Variants in AIG1 observed in about 807,000 individuals in gnomAD.
AIG1 encodes androgen induced 1, also known as androgen-induced gene 1 protein.
A neutral mutation model predicts 31.4 loss-of-function variants in AIG1; 23 were observed. That is an observed-to-expected ratio of 0.73 (90% CI 0.53 to 1.04). The LOEUF is 1.04. Among genes scored for constraint, AIG1 ranks in the 50% least tolerant of loss-of-function variants. AIG1 has a pLI of 0.00. For synonymous variants in AIG1, 100 were observed against 110.5 expected (o/e 0.90, Z 0.60); for missense variants, 274 against 295.0 (o/e 0.93, Z 0.52).
At chr6:143,271,318 C>T (rs192421624) in intron 3 of AIG1, among the ~76,000 whole-genome samples, 3 of 152,258 alleles carry the variant, frequency 2.0e-5, no homozygotes, top group East Asian at 3.9e-4. Flanking sequence ...TTAATTATGC[C>T]AGTCCATGCT....
chr6:143,229,908 T>C (rs568389193), intron 3 of AIG1, among the ~76,000 whole-genome samples: 1 of 151,566 alleles, frequency 6.6e-6, no homozygotes, highest in African/African-American at 2.4e-5. Context: ...TGAGAGAAAA[T>C]GACATTACAT....
At chr6:143,206,718 A>G (rs2128611423) in intron 3 of AIG1, among the ~76,000 whole-genome samples, 1 of 152,332 alleles carries the variant, frequency 6.6e-6, no homozygotes, top group Middle Eastern at 3.4e-3. Flanking sequence ...ATTTAAAGAA[A>G]GTTTTTCTGT....
In AIG1 at chr6:143,187,423, C is replaced by T. The variant is rs1027618431; in HGVS notation, c.399+22240C>T. The T allele has an allele frequency of 2.9e-5, 44 of 1,535,550 alleles. 1 individual carries two copies. In the Admixed American group the frequency reaches 7.1e-4, roughly 25 times the overall value. On this transcript the variant is annotated intron_variant, in intron 3 of 5. Coordinates refer to ENST00000357847, the MANE Select transcript of AIG1 (RefSeq NM_016108.4). ...TAGATTCCACCACTTTGGGCTTTTA[C>T]ACAGAACTACAGTATGATCAGCTTG...
chr6:143,171,575 G>A lies in AIG1; in HGVS notation c.399+6392G>A, dbSNP rs191959840. Reference sequence around the variant, plus strand: ...AAAATCACATTTTCTTTATCCACTCGTTGATTGATGGGCATTTGGAAAGGT... The same window carrying A: ...AAAATCACATTTTCTTTATCCACTCATTGATTGATGGGCATTTGGAAAGGT... On this transcript the variant is annotated intron_variant, in intron 3 of 5. Coordinates refer to ENST00000357847, the MANE Select transcript of AIG1 (RefSeq NM_016108.4). Among the ~76,000 whole-genome samples, 88 of 137,742 alleles carry A rather than the reference G, an allele frequency of 6.4e-4. No homozygotes were observed. The East Asian group carries it at 9.0e-3, about 14-fold the overall frequency. The allele number at this position is 137,742 out of a possible 152,430, so 90.4% of individuals were successfully genotyped here.
intron 3 of AIG1, among the ~76,000 whole-genome samples, chr6:143,233,154 C>T (rs900835029): frequency 3.3e-5 from 5 of 152,114 alleles, no homozygotes; most frequent in African/African-American, 4.8e-5. Context: ...CCTCTTGTCC[C>T]GGATGTCCAG....
intron 4 of AIG1, among the ~76,000 whole-genome samples, chr6:143,309,727 A>T (rs1775114242): frequency 6.6e-6 from 1 of 152,064 alleles, no homozygotes; most frequent in African/African-American, 2.4e-5. Context: ...AAATAACAAG[A>T]CTAAAATATT....
intron 1 of AIG1, among the ~76,000 whole-genome samples, chr6:143,071,891 C>T (rs886769651): frequency 6.6e-6 from 1 of 152,086 alleles, no homozygotes; most frequent in East Asian, 1.9e-4. Context: ...TCAGTTGATC[C>T]TCCTACCTCA....
chr6:143,296,541 A>G (rs1380309920), intron 4 of AIG1, among the ~76,000 whole-genome samples: 1 of 152,122 alleles, frequency 6.6e-6, no homozygotes, highest in African/African-American at 2.4e-5. Context: ...GATGGTTCCC[A>G]CAGCTGACAG....
At chr6:143,230,142 C>T (rs551928940) in intron 3 of AIG1, among the ~76,000 whole-genome samples, 1 of 152,044 alleles carries the variant, frequency 6.6e-6, no homozygotes, top group Non-Finnish European at 1.5e-5. Flanking sequence ...AGTTTAAGAT[C>T]CTTTAATGGT....
At chr6:143,342,985 G>A, downstream of AIG1, 1 of 989,362 alleles carries the variant, frequency 1.0e-6, no homozygotes, top group South Asian at 1.3e-5. Context: ...GTTCATGGCA[G>A]TGTACCTATC....
chr6:143,117,166 C>T (rs780052102), intron 1 of AIG1, among the ~76,000 whole-genome samples: 1 of 152,052 alleles, frequency 6.6e-6, no homozygotes, highest in Non-Finnish European at 1.5e-5. Context: ...TTCAAAGAGA[C>T]AGCCCCAAAC....
intron 3 of AIG1, among the ~76,000 whole-genome samples, chr6:143,265,739 C>G (rs1796108832): frequency 6.6e-6 from 1 of 152,218 alleles, no homozygotes; most frequent in Non-Finnish European, 1.5e-5. Context: ...AACTAAACAC[C>G]CCCTCATCCT....
intron 3 of AIG1, chr6:143,186,800 G>T (rs1199720922): frequency 6.5e-6 from 1 of 153,048 alleles, no homozygotes; most frequent in Non-Finnish European, 1.5e-5. Context: ...ACAGTTTGGT[G>T]TAAATGATTT....
At chr6:143,097,828 C>G (rs965093267) in intron 1 of AIG1, among the ~76,000 whole-genome samples, 28 of 152,204 alleles carry the variant, frequency 1.8e-4, no homozygotes, top group African/African-American at 5.1e-4. Context: ...TCAAATTTCT[C>G]AAACCACCTC....
chr6:143,281,962 T>C (rs1797367731), intron 3 of AIG1, among the ~76,000 whole-genome samples: 1 of 152,222 alleles, frequency 6.6e-6, no homozygotes, highest in African/African-American at 2.4e-5. Context: ...AAGATATTCC[T>C]TTTTCAAATT....
intron 3 of AIG1, among the ~76,000 whole-genome samples, chr6:143,178,330 G>T (rs13190850): frequency 0.39 from 59,502 of 151,978 alleles, 12,923 homozygotes; most frequent in Non-Finnish European, 0.48. Context: ...CACACTGGTG[G>T]TGGCTCTGCT....
intron 1 of AIG1, among the ~76,000 whole-genome samples, chr6:143,076,213 A>G (rs903852054): frequency 6.6e-6 from 1 of 152,190 alleles, no homozygotes; most frequent in African/African-American, 2.4e-5. Flanking sequence ...CAGTTTTATT[A>G]GTTCTTGCAT....
At position 143,291,213 on chromosome 6, in the gene AIG1, T is replaced by C. The variant is rs1208168868; in HGVS notation, c.515+6988T>C. ...GTAAAGCCGCCTGTGATCCCATCAT[T>C]GTACATGTCAAAGTTTCTTGTAGAT... On this transcript the variant is annotated intron_variant, in intron 4 of 5. Coordinates refer to ENST00000357847, the MANE Select transcript of AIG1 (RefSeq NM_016108.4). This position sits in a 1 kb window ranked among gnomAD's most constrained non-coding sequence, Gnocchi z 4.2. Among the ~76,000 whole-genome samples the C allele has an allele frequency of 6.6e-6, 1 of 152,170 alleles. No individual in the cohort carries two copies. Among genetic ancestry groups the C allele is most frequent in the Non-Finnish European group, 1.5e-5 (1 of 68,036 alleles).
chr6:143,073,801 T>C (rs1310172509), intron 1 of AIG1, among the ~76,000 whole-genome samples: 1 of 152,194 alleles, frequency 6.6e-6, no homozygotes, highest in African/African-American at 2.4e-5. Flanking sequence ...GAGAATTAAG[T>C]GCTAAACACT....
Sources: gnomAD v4.1 joint callset for allele counts (sites outside exome capture counted in the v4.1 genomes callset) on GRCh38, gnomAD v4.1.1 for gene constraint, Gnocchi (gnomAD v3.1) non-coding constraint, MANE v1.5 for transcripts, NCBI Gene and HGNC (gene_info 2026-07-23, HGNC 2026-07-21) for gene names.